TANC2: variants seen among roughly 807,000 people sequenced by gnomAD.
The protein encoded by TANC2 is protein TANC2.
TANC2 carries 26 observed loss-of-function variants against 210.5 expected under a neutral mutation model. The ratio of observed to expected loss-of-function variants is 0.12; its 90% CI spans 0.09 to 0.17. TANC2 has a LOEUF of 0.17. TANC2 is among the 10% of genes least tolerant of loss of function. The pLI is 1.00. For missense variants in TANC2, 2,129 were observed against 2,608.9 expected (o/e 0.82, Z 4.01); for synonymous variants, 931 against 967.1 (o/e 0.96, Z 0.69).
chr17:63,238,060 G>A (rs1235906366), exon 8 of TANC2: 2 of 1,534,700 alleles, frequency 1.3e-6, no homozygotes, highest in East Asian at 2.5e-5. Context: ...CTCATGCCAC[G>A]GCCAAATTCA....
intron 2 of TANC2, among the ~76,000 whole-genome samples, chr17:63,063,674 T>TTGTGTGTGTGTG (rs371281397): frequency 4.4e-5 from 6 of 137,422 alleles, no homozygotes; most frequent in African/African-American, 8.2e-5. Context: ...TTACCCAGTA[T>TTGTGTGTGTGTG]TGTGTGTGTG....
At chr17:63,395,987 C>G in intron 18 of TANC2, 59 bp downstream of exon 18, 1 of 1,480,896 alleles carries the variant, frequency 6.8e-7, no homozygotes, top group South Asian at 1.3e-5. Flanking sequence ...CCCAGGAAAC[C>G]AGGAGAAAAG....
intron 5 of TANC2, among the ~76,000 whole-genome samples, chr17:63,163,755 G>A (rs2145502531): frequency 6.6e-6 from 1 of 152,288 alleles, no homozygotes; most frequent in African/African-American, 2.4e-5. Context: ...TCGTAGTTTA[G>A]CGTAGCTCAT....
At chr17:63,172,954 C>G (rs2040453885) in intron 5 of TANC2, among the ~76,000 whole-genome samples, 1 of 151,968 alleles carries the variant, frequency 6.6e-6, no homozygotes, top group African/African-American at 2.4e-5. Flanking sequence ...TTTTAAATTT[C>G]TGCTAAATTA....
chr17:63,259,047 C>G (rs184738323), intron 8 of TANC2, among the ~76,000 whole-genome samples: 1 of 152,244 alleles, frequency 6.6e-6, no homozygotes, highest in African/African-American at 2.4e-5. Context: ...AATAATGAAT[C>G]CTGCCAGTAC....
intron 2 of TANC2, among the ~76,000 whole-genome samples, chr17:63,067,135 TC>T (rs2036228079): frequency 6.6e-6 from 1 of 152,218 alleles, no homozygotes; most frequent in Non-Finnish European, 1.5e-5. Flanking sequence ...ACTTGGAGTT[TC>T]ATAACTCAAA....
Position 63,421,493 on chromosome 17 carries a change from C to T in TANC2, c.5763C>T (p.Pro1921=). Reference sequence around the variant, plus strand: ...CTCAAGGAGGTTACCCCAGTGAGCCCACCCGATCCAGGACCACACCATTCA... The same window carrying T: ...CTCAAGGAGGTTACCCCAGTGAGCCTACCCGATCCAGGACCACACCATTCA... Residue 1921 remains proline (P), a synonymous_variant, in exon 28 of 28, where the codon CCC becomes CCT. Transcript: ENST00000689528. The surrounding 1 kb of genome is among the most constrained non-coding windows in gnomAD (Gnocchi z 6.9). The T allele has an allele frequency of 1.2e-6, 2 of 1,613,998 alleles. No individual in the cohort carries two copies. Among genetic ancestry groups the T allele is most frequent in the South Asian group, 1.1e-5 (1 of 91,080 alleles).
At chr17:63,282,027 A>T (rs1379033519) in intron 9 of TANC2, among the ~76,000 whole-genome samples, 1 of 152,274 alleles carries the variant, frequency 6.6e-6, no homozygotes, top group East Asian at 1.9e-4. Flanking sequence ...GTTTTAAGCC[A>T]CAAAGTTAGT....
chr17:63,143,828 A>G (rs1207565111), intron 4 of TANC2, among the ~76,000 whole-genome samples: 3 of 152,120 alleles, frequency 2.0e-5, no homozygotes, highest in Non-Finnish European at 4.4e-5. Context: ...AAAAGTCTTT[A>G]GGTGATAAGT....
At chr17:63,171,819 G>C (rs919627608) in intron 5 of TANC2, among the ~76,000 whole-genome samples, 6 of 152,068 alleles carry the variant, frequency 3.9e-5, no homozygotes, top group Non-Finnish European at 8.8e-5. Flanking sequence ...AATCCTCTTT[G>C]GTACTGTGGA....
At chr17:63,064,273 T>C (rs1015463155) in intron 2 of TANC2, among the ~76,000 whole-genome samples, 15 of 152,022 alleles carry the variant, frequency 9.9e-5, no homozygotes, top group Non-Finnish European at 2.1e-4. Context: ...CTGAGCAACA[T>C]AGTGAAACCC....
intron 8 of TANC2, among the ~76,000 whole-genome samples, chr17:63,249,756 AT>A (rs1488014202): frequency 6.6e-6 from 1 of 152,224 alleles, no homozygotes; most frequent in Non-Finnish European, 1.5e-5. Context: ...GGCTTTATGT[AT>A]CAAGGGTATA....
intron 2 of TANC2, among the ~76,000 whole-genome samples, chr17:63,042,170 T>A (rs1165978794): frequency 6.6e-6 from 1 of 152,136 alleles, no homozygotes; most frequent in African/African-American, 2.4e-5. Flanking sequence ...CTACTAAAAT[T>A]TGAAAATTCT....
At chr17:63,426,763 T>C (rs2049155462) in exon 28 of TANC2, 1 of 152,262 alleles carries the variant, frequency 6.6e-6, no homozygotes. Context: ...GCGCTCATTT[T>C]TCCAGGTAGA....
intron 7 of TANC2, among the ~76,000 whole-genome samples, chr17:63,221,071 A>C (rs1158479611): frequency 6.6e-6 from 1 of 152,084 alleles, no homozygotes; most frequent in African/African-American, 2.4e-5. Flanking sequence ...GAACACAATC[A>C]TTAACCCTAA....
chr17:63,417,686 C>T (rs938574176), intron 26 of TANC2, among the ~76,000 whole-genome samples: 1 of 152,150 alleles, frequency 6.6e-6, no homozygotes, highest in Non-Finnish European at 1.5e-5. Context: ...AATACTGTAT[C>T]ACACTTGATC....
intron 9 of TANC2, among the ~76,000 whole-genome samples, chr17:63,279,095 T>G (rs1280394735): frequency 6.6e-6 from 1 of 152,130 alleles, no homozygotes; most frequent in African/African-American, 2.4e-5. Flanking sequence ...TGTGCTTTAA[T>G]TAGCCTCTCC....
chr17:63,183,463 A>G (rs142607623), intron 5 of TANC2, among the ~76,000 whole-genome samples: 19 of 152,340 alleles, frequency 1.2e-4, no homozygotes, highest in African/African-American at 4.6e-4. Context: ...GATGAATGCT[A>G]GCAACTTAGT....
chr17:63,133,475 G>GAA (rs201809968), intron 4 of TANC2, among the ~76,000 whole-genome samples: 3,781 of 146,180 alleles, frequency 0.026, 66 homozygotes, highest in Non-Finnish European at 0.038. Context: ...TTTCGAAAAA[G>GAA]AAAAAAAAAA....
Sources: gnomAD v4.1 joint callset for allele counts (sites outside exome capture counted in the v4.1 genomes callset) on GRCh38, gnomAD v4.1.1 for gene constraint, Gnocchi (gnomAD v3.1) non-coding constraint, MANE v1.5 for transcripts, NCBI Gene and HGNC (gene_info 2026-07-23, HGNC 2026-07-21) for gene names.